The following PDIK1L variants were observed in gnomAD, a reference collection of about 807,000 sequenced individuals.
PDIK1L encodes serine/threonine-protein kinase PDIK1L.
Under a neutral mutation model 27.1 loss-of-function variants are expected in PDIK1L, and 9 were observed. The ratio of observed to expected loss-of-function variants is 0.33; its 90% CI spans 0.20 to 0.58. The LOEUF is 0.58. PDIK1L is among the 20% of genes least tolerant of loss of function. The pLI is 0.86. For missense variants in PDIK1L, 216 were observed against 413.2 expected (o/e 0.52, Z 4.14); for synonymous variants, 130 against 141.7 (o/e 0.92, Z 0.59).
At chr1:26,112,589 C>G (rs918934980) in intron 1 of PDIK1L, 1 of 152,244 alleles carries the variant, frequency 6.6e-6, no homozygotes, top group Non-Finnish European at 1.5e-5. Context: ...TGCTGTGCAG[C>G]CGGCGCAGAG....
chr1:26,118,008 C>T (rs558968835), intron 2 of PDIK1L, among the ~76,000 whole-genome samples: 3 of 150,234 alleles, frequency 2.0e-5, no homozygotes, highest in South Asian at 2.1e-4. Flanking sequence ...TACAGTGAGC[C>T]GAGATTGGGC....
rs1350477057 is a variant in PDIK1L, at chr1:26,111,911, C to G, written c.-22C>G. ...AGAGGGAGAAGCGGCAGCGTCTACC[C>G]TGAGGTAAATCTGGCCTTTCGGCGT... On this transcript the variant is annotated 5_prime_UTR_variant, in exon 1 of 3. Transcript: ENST00000374269. This position sits in a 1 kb window ranked among gnomAD's most constrained non-coding sequence, Gnocchi z 4.0. The G allele has an allele frequency of 6.6e-6, 1 of 152,098 alleles. No homozygotes were observed. Among genetic ancestry groups the G allele is most frequent in the Non-Finnish European group, 1.5e-5 (1 of 68,016 alleles). The allele number at this position is 152,098 out of a possible 1,614,324, so 9.4% of individuals were successfully genotyped here.
intron 2 of PDIK1L, 69 bp from the exon 3 acceptor site, chr1:26,121,768 A>T (rs1418998495): frequency 3.4e-6 from 5 of 1,453,102 alleles, no homozygotes; most frequent in Middle Eastern, 1.9e-4. Flanking sequence ...CCTTTCAATT[A>T]TTATTTTCCT....
rs149561051 is a variant in PDIK1L, at chr1:26,123,070, A to G, written c.*493A>G. ...ATGCCACGTCTGTTTAAATTATTTG[A>G]TGTAGGTTTGGGTTTTTGAGATTTG... is the stretch of plus-strand genomic sequence containing the variant. On this transcript the variant is annotated 3_prime_UTR_variant, in exon 3 of 3. Coordinates refer to ENST00000374269, the MANE Select transcript of PDIK1L (RefSeq NM_152835.5). The G allele has an allele frequency of 1.3e-5, 2 of 152,572 alleles. No homozygotes were observed. Among genetic ancestry groups the G allele is most frequent in the East Asian group, 1.9e-4 (1 of 5,186 alleles). 9.5% of individuals were successfully genotyped at this position (152,572 alleles called of 1,614,324 possible). A position where few individuals can be genotyped will look rare whatever the true frequency, so the allele number is the denominator to read the frequency against.
At position 26,114,485 on chromosome 1, in the gene PDIK1L, T is replaced by C; in HGVS notation, c.177T>C (p.Ser59=). The C allele has an allele frequency of 4.3e-6, 7 of 1,614,184 alleles. No homozygotes were observed. Among genetic ancestry groups the C allele is most frequent in the Non-Finnish European group, 5.9e-6 (7 of 1,180,020 alleles). Reference sequence around the variant, plus strand: ...TTCGTGAGTTCTGGGCACTAAGCAGTATCAAGAGCCAACATCCAAATGTGA... The same window carrying C: ...TTCGTGAGTTCTGGGCACTAAGCAGCATCAAGAGCCAACATCCAAATGTGA... ...LALREFWALS[S]IKSQHPNVIH... is the part of the protein sequence containing the mutation. Residue 59 remains serine (S), a synonymous_variant, in exon 2 of 3, where the codon AGT becomes AGC. Transcript: ENST00000374269. The surrounding 1 kb of genome is among the most constrained non-coding windows in gnomAD (Gnocchi z 4.8).
rs2088034065 is a variant in PDIK1L at position 26,123,850 on chromosome 1, A to G, written c.*1273A>G. ...TGATACAGTCTATGTCAAAAAACCA[A>G]CAGACCATTATTCCTCTTGAAGTTA... On this transcript the variant is annotated 3_prime_UTR_variant, in exon 3 of 3. Coordinates refer to ENST00000374269, the MANE Select transcript of PDIK1L (RefSeq NM_152835.5). 1 of 152,654 alleles carries G rather than the reference A, an allele frequency of 6.6e-6. No homozygotes were observed. The allele number at this position is 152,654 out of a possible 1,614,324, so 9.5% of individuals were successfully genotyped here.
chr1:26,111,185 GCGC>G (rs1004399727), upstream of PDIK1L: 60 of 157,180 alleles, frequency 3.8e-4, no homozygotes, highest in South Asian at 1.6e-3. This position sits in a 1 kb window ranked among gnomAD's most constrained non-coding sequence, Gnocchi z 4.0. Context: ...ACCCAGCCCC[GCGC>G]CGCCGCCGCC....
intron 2 of PDIK1L, among the ~76,000 whole-genome samples, chr1:26,115,304 C>G (rs534831011): frequency 6.6e-6 from 1 of 152,202 alleles, no homozygotes. Flanking sequence ...CAATTGGGAG[C>G]TGGAGCTGAG....
intron 2 of PDIK1L, among the ~76,000 whole-genome samples, chr1:26,119,545 G>A (rs2087941363): frequency 6.6e-6 from 1 of 152,010 alleles, no homozygotes; most frequent in East Asian, 1.9e-4. Flanking sequence ...AGGTCGTGAA[G>A]CAAAACACAT....
At chr1:26,117,070 C>T (rs1414011880) in intron 2 of PDIK1L, among the ~76,000 whole-genome samples, 1 of 117,054 alleles carries the variant, frequency 8.5e-6, no homozygotes, top group African/African-American at 3.3e-5. Context: ...CTTGCTCTGT[C>T]GCTCAGGCTG....
chr1:26,111,585 C>T (rs931500930), upstream of PDIK1L, among the ~76,000 whole-genome samples: 1 of 151,418 alleles, frequency 6.6e-6, no homozygotes, highest in African/African-American at 2.4e-5. This position sits in a 1 kb window ranked among gnomAD's most constrained non-coding sequence, Gnocchi z 4.0. Flanking sequence ...TCGCGGTTCC[C>T]GAGCCCGGCC....
upstream of PDIK1L, among the ~76,000 whole-genome samples, chr1:26,111,572 G>T (rs2124465608): frequency 6.6e-6 from 1 of 151,604 alleles, no homozygotes; most frequent in South Asian, 2.1e-4. This position sits in a 1 kb window ranked among gnomAD's most constrained non-coding sequence, Gnocchi z 4.0. Flanking sequence ...GCGTGGCGTG[G>T]CCTCGCGGTT....
At chr1:26,120,708 C>G (rs2087964873) in intron 2 of PDIK1L, among the ~76,000 whole-genome samples, 1 of 152,104 alleles carries the variant, frequency 6.6e-6, no homozygotes, top group South Asian at 2.1e-4. Context: ...AGTCCCAGCA[C>G]TTTGGGAGGC....
In PDIK1L at chr1:26,122,833, T is replaced by C. The variant is rs773220883; in HGVS notation, c.*256T>C. The C allele has an allele frequency of 3.2e-6, 1 of 307,718 alleles. No individual in the cohort carries two copies. Among genetic ancestry groups the C allele is most frequent in the Non-Finnish European group, 5.9e-6 (1 of 169,780 alleles). 19.1% of individuals were successfully genotyped at this position (307,718 alleles called of 1,614,324 possible). ...GATAGAAGTTTGGCAGGAAAATTCT[T>C]TAAGAGCTAACAAGAGAAGAGAGTC... On this transcript the variant is annotated 3_prime_UTR_variant, in exon 3 of 3. Coordinates refer to ENST00000374269, the MANE Select transcript of PDIK1L (RefSeq NM_152835.5). The surrounding 1 kb of genome is among the most constrained non-coding windows in gnomAD (Gnocchi z 5.4).
chr1:26,121,724 TAG>T (rs1491229518), intron 2 of PDIK1L, 111 bp from the exon 3 acceptor site: 5 of 1,095,714 alleles, frequency 4.6e-6, no homozygotes, highest in Non-Finnish European at 6.3e-6. Context: ...AAAATATTTA[TAG>T]AGTTTCCACT....
At position 26,125,013 on chromosome 1, in the gene PDIK1L, T is replaced by TA. The variant is rs970232234; in HGVS notation, c.*2437dup. 6.6e-6 allele frequency: 1 copy of TA among 152,600 alleles called. No individual in the cohort carries two copies. The highest frequency in any genetic ancestry group is 1.5e-5 in the Non-Finnish European group (1 of 68,000). 9.5% of individuals were successfully genotyped at this position (152,600 alleles called of 1,614,324 possible). On this transcript the variant is annotated 3_prime_UTR_variant, in exon 3 of 3. Transcript: ENST00000374269. ...GTACTCAATAAGCAATTGTTCCTCA[T>TA]AGAGTCTTTTGCCATGATTTATGGT...
Position 26,122,367 on chromosome 1 carries a change from A to G in PDIK1L, c.816A>G (p.Gln272=). 6 of 1,614,190 alleles carry G rather than the reference A, an allele frequency of 3.7e-6. No individual in the cohort carries two copies. The highest frequency in any genetic ancestry group is 1.1e-5 in the South Asian group (1 of 91,080). ...KKELLGSYVK[Q]GTEIVPVGEA... ...AACTCTTGGGGAGTTATGTAAAACA[A>G]GGAACTGAGATTGTGCCTGTTGGGG... Residue 272 remains glutamine (Q), a synonymous_variant, in exon 3 of 3, where the codon CAA becomes CAG. Transcript: ENST00000374269. The surrounding 1 kb of genome is among the most constrained non-coding windows in gnomAD (Gnocchi z 5.4).
chr1:26,114,035 T>C lies in PDIK1L; in HGVS notation c.-17-257T>C, dbSNP rs1191845895. On this transcript the variant is annotated intron_variant, in intron 1 of 2. Coordinates refer to ENST00000374269, the MANE Select transcript of PDIK1L (RefSeq NM_152835.5). This position sits in a 1 kb window ranked among gnomAD's most constrained non-coding sequence, Gnocchi z 4.8. Reference sequence around the variant, plus strand: ...TTCATCTATAAAAAGACCATAATAGTATCTATCTCATCAGATTATTATGAG... The same window carrying C: ...TTCATCTATAAAAAGACCATAATAGCATCTATCTCATCAGATTATTATGAG... 6.6e-6 allele frequency among the ~76,000 whole-genome samples: 1 copy of C among 152,210 alleles called. No homozygotes were observed. The highest frequency in any genetic ancestry group is 1.9e-4 in the East Asian group (1 of 5,202).
chr1:26,125,513 TTAAA>T lies in PDIK1L; in HGVS notation c.*2941_*2944del, dbSNP rs2088062501. The T allele has an allele frequency of 6.6e-6, 1 of 151,206 alleles. No homozygotes were observed. Among genetic ancestry groups the T allele is most frequent in the South Asian group, 2.1e-4 (1 of 4,822 alleles). 9.4% of individuals were successfully genotyped at this position (151,206 alleles called of 1,614,324 possible). Reference sequence around the variant, plus strand: ...AATTTATTGTTCATGACTTTTTTTTTTAAATAAAGTGAGTTTCAACAAAAAAAAA... The same window carrying T: ...AATTTATTGTTCATGACTTTTTTTTTTAAAGTGAGTTTCAACAAAAAAAAA... On this transcript the variant is annotated 3_prime_UTR_variant, in exon 3 of 3. Transcript: ENST00000374269.
Sources: gnomAD v4.1 joint callset for allele counts (sites outside exome capture counted in the v4.1 genomes callset) on GRCh38, gnomAD v4.1.1 for gene constraint, Gnocchi (gnomAD v3.1) non-coding constraint, MANE v1.5 for transcripts, NCBI Gene and HGNC (gene_info 2026-07-23, HGNC 2026-07-21) for gene names.